Variants in BCAS4 observed in about 807,000 individuals in gnomAD.
BCAS4 encodes breast carcinoma-amplified sequence 4.
BCAS4 carries 9 observed loss-of-function variants against 15.7 expected under a neutral mutation model. The observed-to-expected ratio is 0.57, with a 90% CI of 0.34 to 1.00. The LOEUF is 1.00. Among genes scored for constraint, BCAS4 ranks in the 50% least tolerant of loss-of-function variants. BCAS4 has a pLI of 0.02. For synonymous variants in BCAS4, 101 were observed against 99.5 expected (o/e 1.02, Z -0.09); for missense variants, 225 against 239.1 (o/e 0.94, Z 0.39).
chr20:50,825,311 G>C (rs544205163), intron 2 of BCAS4, among the ~76,000 whole-genome samples: 2 of 152,120 alleles, frequency 1.3e-5, no homozygotes, highest in East Asian at 3.9e-4. Context: ...TGAACTCCTG[G>C]CCTCAAGTGA....
rs6067571 is a variant in BCAS4, at chr20:50,858,356, C to T, written c.399+16456C>T. Among the ~76,000 whole-genome samples the T allele has an allele frequency of 7.0e-3, 1,068 of 151,940 alleles. 4 individuals carry two copies. Among genetic ancestry groups the T allele is most frequent in the South Asian group, 0.019 (92 of 4,814 alleles). On this transcript the variant is annotated intron_variant, in intron 4 of 4. Transcript: ENST00000371608. ...GTGGCTCACACCTGTAATCCCAGCA[C>T]TTTGGGAGGCCGAGGTGGGTGGATC...
chr20:50,838,847 A>G (rs2088441219), intron 3 of BCAS4, among the ~76,000 whole-genome samples: 1 of 152,118 alleles, frequency 6.6e-6, no homozygotes, highest in Admixed American at 6.6e-5. Context: ...CCATCTTAAA[A>G]AAAACAAAAC....
intron 3 of BCAS4, among the ~76,000 whole-genome samples, chr20:50,840,177 A>G (rs1316606142): frequency 6.6e-6 from 1 of 152,206 alleles, no homozygotes; most frequent in East Asian, 1.9e-4. Flanking sequence ...ATGCCCAGCC[A>G]GAATTCTTTT....
chr20:50,830,184 A>G, intron 2 of BCAS4, 95 bp from the exon 3 acceptor site: 1 of 959,446 alleles, frequency 1.0e-6, no homozygotes. Context: ...CTCAGCCATC[A>G]TTGGGGTCTG....
chr20:50,801,123 G>A (rs1372532129), intron 1 of BCAS4, among the ~76,000 whole-genome samples: 1 of 152,050 alleles, frequency 6.6e-6, no homozygotes, highest in Non-Finnish European at 1.5e-5. Context: ...TTGGGATGCT[G>A]GATTAGAAGT....
chr20:50,876,707 A>T lies in BCAS4; in HGVS notation c.*99A>T, dbSNP rs896890873. On this transcript the variant is annotated 3_prime_UTR_variant, in exon 5 of 5. Transcript: ENST00000371608. ...TGTATTGCTGTTTATTTTATATTTT[A>T]AAAATATTTAAAAAAATGTCGAGAT... The T allele has an allele frequency of 4.4e-5, 59 of 1,339,158 alleles. 1 individual carries two copies. In the Middle Eastern group the frequency reaches 1.8e-3, roughly 41 times the overall value. 83.0% of individuals were successfully genotyped at this position (1,339,158 alleles called of 1,614,324 possible).
intron 3 of BCAS4, among the ~76,000 whole-genome samples, chr20:50,841,415 A>G (rs1378260822): frequency 7.7e-6 from 1 of 130,412 alleles, no homozygotes; most frequent in Non-Finnish European, 1.5e-5. Context: ...AATCTGATGA[A>G]TGTGCCCTGA....
chr20:50,819,882 G>T (rs1031737440), intron 2 of BCAS4, among the ~76,000 whole-genome samples: 2 of 150,884 alleles, frequency 1.3e-5, no homozygotes, highest in Admixed American at 6.6e-5. Flanking sequence ...ATAGAGTCTC[G>T]CTCTGTCCCC....
intron 4 of BCAS4, among the ~76,000 whole-genome samples, chr20:50,875,322 G>C (rs189583190): frequency 6.6e-6 from 1 of 152,224 alleles, no homozygotes; most frequent in Non-Finnish European, 1.5e-5. Flanking sequence ...TGAGCGGCTC[G>C]ATGGGAAATC....
chr20:50,865,939 G>A (rs1280089211), intron 4 of BCAS4, among the ~76,000 whole-genome samples: 1 of 152,174 alleles, frequency 6.6e-6, no homozygotes, highest in Non-Finnish European at 1.5e-5. Flanking sequence ...TTGCAGGCAG[G>A]ACAGGCTGAG....
chr20:50,838,163 A>T (rs1449719805), intron 3 of BCAS4, among the ~76,000 whole-genome samples: 1 of 152,292 alleles, frequency 6.6e-6, no homozygotes, highest in African/African-American at 2.4e-5. Flanking sequence ...TCATTCATTC[A>T]TTCATGCACG....
chr20:50,796,484 TA>T (rs1442981044), intron 1 of BCAS4, among the ~76,000 whole-genome samples: 472 of 12,586 alleles, frequency 0.038, 16 homozygotes, highest in African/African-American at 0.058. Flanking sequence ...TATATATATA[TA>T]TATTTTTTTT....
chr20:50,867,293 C>T (rs55928831), intron 4 of BCAS4, among the ~76,000 whole-genome samples: 26,583 of 152,114 alleles, frequency 0.17, 2,361 homozygotes, highest in Non-Finnish European at 0.19. Flanking sequence ...GACAGTTTCT[C>T]AGACCTGCCT....
chr20:50,826,980 C>G (rs977097946), intron 2 of BCAS4, among the ~76,000 whole-genome samples: 1 of 150,738 alleles, frequency 6.6e-6, no homozygotes, highest in Non-Finnish European at 1.5e-5. Flanking sequence ...AACAAAAAAA[C>G]AAAAAACAAC....
intron 3 of BCAS4, chr20:50,832,963 A>G (rs184462281): frequency 1.3e-5 from 2 of 152,404 alleles, no homozygotes; most frequent in East Asian, 3.9e-4. Context: ...GGACATGAAC[A>G]TCTTTGGGAG....
chr20:50,837,780 C>T lies in BCAS4; in HGVS notation c.265-3986C>T, dbSNP rs181982799. ...AGTTCAGACATCGCGAGTACACATT[C>T]CTCAGCTTCGCCTCACACTCTCCAC... On this transcript the variant is annotated intron_variant, in intron 3 of 4. Coordinates refer to ENST00000371608, the MANE Select transcript of BCAS4 (RefSeq NM_198799.4). Among the ~76,000 whole-genome samples, 742 of 152,336 alleles carry T rather than the reference C, an allele frequency of 4.9e-3. 6 individuals carry two copies. The highest frequency in any genetic ancestry group is 0.017 in the African/African-American group (693 of 41,568).
chr20:50,841,072 T>C (rs1600877426), intron 3 of BCAS4: 2 of 332,822 alleles, frequency 6.0e-6, no homozygotes, highest in East Asian at 7.9e-5. Context: ...TCAGGTGATC[T>C]ACCCGCCTCA....
intron 1 of BCAS4, among the ~76,000 whole-genome samples, chr20:50,811,625 C>T (rs559834688): frequency 2.6e-5 from 4 of 152,158 alleles, no homozygotes; most frequent in Non-Finnish European, 5.9e-5. Flanking sequence ...TTTCCTCCCT[C>T]CCTTCCTTTT....
intron 1 of BCAS4, among the ~76,000 whole-genome samples, chr20:50,801,764 A>G (rs2087929247): frequency 6.6e-6 from 1 of 152,178 alleles, no homozygotes; most frequent in African/African-American, 2.4e-5. Flanking sequence ...GACTAGTGAC[A>G]AACAGAGTGA....
Sources: gnomAD v4.1 joint callset for allele counts (sites outside exome capture counted in the v4.1 genomes callset) on GRCh38, gnomAD v4.1.1 for gene constraint, MANE v1.5 for transcripts, NCBI Gene and HGNC (gene_info 2026-07-23, HGNC 2026-07-21) for gene names.